The following ANKAR variants were observed in gnomAD, a reference collection of about 807,000 sequenced individuals.
ANKAR encodes ankyrin and armadillo repeat containing, also known as ankyrin and armadillo repeat-containing protein.
A neutral mutation model predicts 146.2 loss-of-function variants in ANKAR; 136 were observed. That is an observed-to-expected ratio of 0.93 (90% confidence interval 0.81 to 1.07). ANKAR has a LOEUF of 1.07. Among genes scored for constraint, ANKAR ranks in the 50% least tolerant of loss-of-function variants. The probability of loss-of-function intolerance (pLI) is 0.00; values close to 1 mark genes in which losing one functional copy is unlikely to be tolerated. For synonymous variants in ANKAR, 500 were observed against 575.8 expected, an observed-to-expected ratio of 0.87 and a Z score of 1.88; for missense variants, 1,567 against 1,679.9, an observed-to-expected ratio of 0.93 and a Z score of 1.18.
chr2:189,736,502 T>TTTTTG (rs1422561376), intron 17 of ANKAR, among the ~76,000 whole-genome samples: 2 of 142,066 alleles, frequency 1.4e-5, no homozygotes, highest in African/African-American at 2.6e-5. Flanking sequence ...TGACTGGGTT[T>TTTTTG]TGTGTGTGTG....
chr2:189,743,516 T>C lies in ANKAR; in HGVS notation c.4010+42T>C, dbSNP rs949703368. The stretch of plus-strand genomic sequence containing the variant: ...GAAGTTGCAGTAGTGAAATCATCGA[T>C]AGAGGAGACTTTAATGAGGTTTAGT... On this transcript the variant is annotated intron_variant, in intron 21 of 22. Transcript: ENST00000684021. The C allele has an allele frequency of 7.1e-6, 11 of 1,542,474 alleles. 1 individual carries two copies. Among genetic ancestry groups the C allele is most frequent in the South Asian group, 4.6e-5 (4 of 87,310 alleles).
At chr2:189,726,478 A>G (rs1487112165) in intron 12 of ANKAR, among the ~76,000 whole-genome samples, 2 of 152,162 alleles carry the variant, frequency 1.3e-5, no homozygotes, top group African/African-American at 2.4e-5. Context: ...TTCTGGATGG[A>G]GGTGCATATC....
At chr2:189,706,312 A>G (rs558007246) in intron 8 of ANKAR, among the ~76,000 whole-genome samples, 1 of 152,104 alleles carries the variant, frequency 6.6e-6, no homozygotes, top group Admixed American at 6.5e-5. Context: ...ACTTGAACCG[A>G]GAGGCAGAGC....
At position 189,696,772 on chromosome 2, in the gene ANKAR, T is replaced by C. The variant is rs191599460; in HGVS notation, c.1708+403T>C. On this transcript the variant is annotated intron_variant, in intron 7 of 22. Coordinates refer to ENST00000684021, the MANE Select transcript of ANKAR (RefSeq NM_001378068.1). ...GCAAAATTAATATACACTGATATAC[T>C]ATAGAAATTCAGAGAACAGCAATAG... Among the ~76,000 whole-genome samples the C allele has an allele frequency of 2.6e-5, 4 of 152,316 alleles. No homozygotes were observed. In the East Asian group the frequency reaches 7.7e-4, roughly 29 times the overall value.
intron 18 of ANKAR, chr2:189,753,140 G>A: frequency 3.9e-6 from 2 of 515,000 alleles, no homozygotes; most frequent in Non-Finnish European, 3.2e-6. Context: ...AATTTGGAAA[G>A]AAAAAAATTA....
chr2:189,706,754 A>G (rs756160088), intron 8 of ANKAR, among the ~76,000 whole-genome samples, 184 bp from the exon 9 acceptor site: 3 of 152,244 alleles, frequency 2.0e-5, no homozygotes, highest in Non-Finnish European at 4.4e-5. Context: ...GTAGGGTCCC[A>G]TAGTAAGGAT....
intron 12 of ANKAR, among the ~76,000 whole-genome samples, chr2:189,722,751 C>G (rs911421047): frequency 6.6e-6 from 1 of 151,726 alleles, no homozygotes; most frequent in African/African-American, 2.4e-5. Context: ...GGTGTGGTGG[C>G]GCGTGCCTGT....
At chr2:189,719,507 T>C (rs2040987122) in intron 10 of ANKAR, 65 bp from the exon 11 acceptor site, 13 of 1,372,858 alleles carry the variant, frequency 9.5e-6, no homozygotes, top group Non-Finnish European at 1.2e-5. Flanking sequence ...ATTGCCATGA[T>C]AAATTGACTA....
rs573351610 is a variant in ANKAR, at chr2:189,693,203, C to T, written c.1307+26C>T. 217 of 1,408,006 alleles carry T rather than the reference C, an allele frequency of 1.5e-4. No homozygotes were observed. The South Asian group carries it at 2.5e-3, about 16-fold the overall frequency. 87.2% of individuals were successfully genotyped at this position (1,408,006 alleles called of 1,614,324 possible). Reference sequence around the variant, plus strand: ...GTACGGAGCTTTCACTAATTACTGACATTAACTACAATTTTTTGCACGTTA... The same window carrying T: ...GTACGGAGCTTTCACTAATTACTGATATTAACTACAATTTTTTGCACGTTA... On this transcript the variant is annotated intron_variant, in intron 5 of 22. Transcript: ENST00000684021.
At chr2:189,679,880 C>A (rs1288672839) in intron 2 of ANKAR, among the ~76,000 whole-genome samples, 1 of 152,104 alleles carries the variant, frequency 6.6e-6, no homozygotes, top group African/African-American at 2.4e-5. Context: ...TTTTTGCATC[C>A]ATGTTCATCA....
intron 18 of ANKAR, chr2:189,754,720 T>A (rs1480099583): frequency 1.8e-5 from 4 of 219,286 alleles, no homozygotes; most frequent in Non-Finnish European, 1.6e-5. Flanking sequence ...TTCCTATATA[T>A]GGCAGTAGCC....
intron 2 of ANKAR, among the ~76,000 whole-genome samples, chr2:189,685,823 T>G (rs2035506066): frequency 6.6e-6 from 1 of 152,140 alleles, no homozygotes; most frequent in Admixed American, 6.5e-5. Context: ...TTTAACTAGT[T>G]TTCAGCACAA....
chr2:189,679,704 G>A (rs941083289), intron 2 of ANKAR, among the ~76,000 whole-genome samples: 1 of 152,092 alleles, frequency 6.6e-6, no homozygotes, highest in African/African-American at 2.4e-5. Flanking sequence ...TGCTTTTTCT[G>A]CATCTATTGA....
rs529990758 is a variant in ANKAR, at chr2:189,679,620, A to G, written c.601+2529A>G. Among the ~76,000 whole-genome samples the G allele has an allele frequency of 1.1e-4, 17 of 152,166 alleles. No individual in the cohort carries two copies. The East Asian group carries it at 3.1e-3, about 28-fold the overall frequency. On this transcript the variant is annotated intron_variant, in intron 2 of 22. Coordinates refer to ENST00000684021, the MANE Select transcript of ANKAR (RefSeq NM_001378068.1). ...GGGTTTGTTATAGAGGACTTTTATT[A>G]CCTTAAGGTATGTCCCTTCTATGGC...
At chr2:189,723,817 A>G (rs2041574951) in intron 12 of ANKAR, among the ~76,000 whole-genome samples, 1 of 152,124 alleles carries the variant, frequency 6.6e-6, no homozygotes, top group South Asian at 2.1e-4. Context: ...TAGGTTTACA[A>G]TCTATTCTTC....
intron 20 of ANKAR, among the ~76,000 whole-genome samples, chr2:189,742,905 GACACACACACACACAC>G (rs397987025): frequency 0.1 from 3,400 of 33,446 alleles, 198 homozygotes; most frequent in Middle Eastern, 0.17. Flanking sequence ...AGAATTACCT[GACACACACACACACAC>G]ACACACACAC....
intron 18 of ANKAR, among the ~76,000 whole-genome samples, chr2:189,758,105 G>A (rs1174034916): frequency 1.3e-5 from 2 of 152,114 alleles, no homozygotes; most frequent in Non-Finnish European, 2.9e-5. Context: ...AGTGTGGGCC[G>A]GGAGTGGTGG....
intron 18 of ANKAR, among the ~76,000 whole-genome samples, chr2:189,755,818 A>C (rs904987107): frequency 6.6e-6 from 1 of 152,220 alleles, no homozygotes; most frequent in African/African-American, 2.4e-5. Flanking sequence ...TGAAATCACC[A>C]AAATAATCTT....
intron 2 of ANKAR, among the ~76,000 whole-genome samples, chr2:189,689,069 G>A (rs1241988303): frequency 6.6e-6 from 1 of 152,184 alleles, no homozygotes; most frequent in East Asian, 1.9e-4. Context: ...AAAACCTTGT[G>A]GCAGTTAGAA....
Sources: allele counts gnomAD v4.1 joint callset (sites outside exome capture counted in the v4.1 genomes callset), GRCh38; gene constraint gnomAD v4.1.1; transcripts MANE v1.5; gene names NCBI Gene and HGNC (gene_info 2026-07-23, HGNC 2026-07-21).